The following CDYL2 variants were observed in gnomAD, a reference collection of about 807,000 sequenced individuals.
The protein encoded by CDYL2 is chromodomain Y like 2.
CDYL2 carries 23 observed loss-of-function variants against 49.4 expected under a neutral mutation model. That is an observed-to-expected ratio of 0.47 (90% CI 0.34 to 0.66). The LOEUF (loss-of-function observed/expected upper bound fraction) is 0.66. CDYL2 is among the 30% of genes least tolerant of loss of function. CDYL2 has a pLI of 0.01. For missense variants in CDYL2, 678 were observed against 656.4 expected, an observed-to-expected ratio of 1.03 and a Z score of -0.36; for synonymous variants, 360 against 268.8, an observed-to-expected ratio of 1.34 and a Z score of -3.32.
intron 2 of CDYL2, among the ~76,000 whole-genome samples, chr16:80,654,879 G>A (rs905940100): frequency 6.6e-6 from 1 of 152,216 alleles, no homozygotes; most frequent in East Asian, 1.9e-4. Flanking sequence ...GAGTAAACAC[G>A]AGTGTCTAAT....
chr16:80,753,784 T>C (rs1439854236), intron 1 of CDYL2, among the ~76,000 whole-genome samples: 1 of 152,134 alleles, frequency 6.6e-6, no homozygotes, highest in Non-Finnish European at 1.5e-5. Flanking sequence ...ACAGATAAAC[T>C]AGACTCCATT....
intron 2 of CDYL2, among the ~76,000 whole-genome samples, chr16:80,676,247 T>TA (rs1909738071): frequency 6.6e-6 from 1 of 152,166 alleles, no homozygotes; most frequent in South Asian, 2.1e-4. Flanking sequence ...GACAAAAGAT[T>TA]AAAAAACCCT....
At chr16:80,614,442 T>C (rs1427560996) in intron 4 of CDYL2, among the ~76,000 whole-genome samples, 1 of 152,206 alleles carries the variant, frequency 6.6e-6, no homozygotes, top group Admixed American at 6.5e-5. Context: ...ATGGAAGAAG[T>C]CTAGGTTCCT....
intron 1 of CDYL2, among the ~76,000 whole-genome samples, chr16:80,758,832 A>G (rs575054510): frequency 8.6e-5 from 13 of 151,278 alleles, no homozygotes; most frequent in East Asian, 7.8e-4. Flanking sequence ...GTGAGCCACC[A>G]CGCCCGGCCT....
At chr16:80,731,156 A>G (rs1279479443) in intron 1 of CDYL2, among the ~76,000 whole-genome samples, 2 of 152,200 alleles carry the variant, frequency 1.3e-5, no homozygotes, top group Non-Finnish European at 2.9e-5. Context: ...TTCCAGAGAC[A>G]AGAGAAAACA....
chr16:80,698,728 G>A (rs544360743), intron 1 of CDYL2, among the ~76,000 whole-genome samples: 1 of 152,034 alleles, frequency 6.6e-6, no homozygotes, highest in Non-Finnish European at 1.5e-5. Flanking sequence ...TATAAGATGT[G>A]TCTTCTTCCC....
chr16:80,646,837 C>A (rs1908369375), intron 2 of CDYL2, among the ~76,000 whole-genome samples: 1 of 151,332 alleles, frequency 6.6e-6, no homozygotes, highest in African/African-American at 2.4e-5. Context: ...AAAAACAAGA[C>A]CCAATGATCT....
chr16:80,727,700 T>A (rs1293434176), intron 1 of CDYL2, among the ~76,000 whole-genome samples: 1 of 152,190 alleles, frequency 6.6e-6, no homozygotes, highest in Admixed American at 6.5e-5. Flanking sequence ...AATGTCCCTG[T>A]CTGACAGCTT....
rs986364212 is a variant in CDYL2 at position 80,682,276 on chromosome 16, C to T, written c.616+2262G>A. ...TCAAGTGGGAGTAGAGAACACACAACGTCAGGCAAATATGAGGAAGATAAG... is the reference window on the plus strand; with the variant it reads ...TCAAGTGGGAGTAGAGAACACACAATGTCAGGCAAATATGAGGAAGATAAG... On this transcript the variant is annotated intron_variant, in intron 2 of 6. Transcript: ENST00000570137. Among the ~76,000 whole-genome samples, 6 of 152,252 alleles carry T rather than the reference C, an allele frequency of 3.9e-5. No individual in the cohort carries two copies. In the South Asian group the frequency reaches 8.3e-4, roughly 21 times the overall value.
chr16:80,758,307 G>A (rs939709977), intron 1 of CDYL2, among the ~76,000 whole-genome samples: 1 of 150,844 alleles, frequency 6.6e-6, no homozygotes, highest in African/African-American at 2.4e-5. Flanking sequence ...CTTACATATA[G>A]AAGTAATAAT....
chr16:80,700,623 A>AT (rs1251468054), intron 1 of CDYL2, among the ~76,000 whole-genome samples: 1 of 152,250 alleles, frequency 6.6e-6, no homozygotes, highest in African/African-American at 2.4e-5. Context: ...GATCAGCAAA[A>AT]TTTTAAAAGG....
At chr16:80,642,165 G>A (rs549329114) in intron 2 of CDYL2, among the ~76,000 whole-genome samples, 8 of 152,138 alleles carry the variant, frequency 5.3e-5, no homozygotes, top group African/African-American at 1.2e-4. Flanking sequence ...ATTAGTCGCC[G>A]GGTGTGGTGG....
intron 1 of CDYL2, among the ~76,000 whole-genome samples, chr16:80,738,237 G>A (rs2142548224): frequency 6.6e-6 from 1 of 152,274 alleles, no homozygotes; most frequent in Middle Eastern, 3.4e-3. Context: ...TGGTGTATAT[G>A]TGCCACATTT....
intron 1 of CDYL2, among the ~76,000 whole-genome samples, chr16:80,762,255 A>T (rs1296925818): frequency 1.3e-5 from 2 of 152,214 alleles, no homozygotes; most frequent in East Asian, 1.9e-4. Flanking sequence ...ATAAAGTTCA[A>T]ATGAACTTCA....
intron 1 of CDYL2, among the ~76,000 whole-genome samples, chr16:80,769,522 A>G (rs1906837130): frequency 6.6e-6 from 1 of 152,212 alleles, no homozygotes; most frequent in South Asian, 2.1e-4. Context: ...GGGTTAGAGA[A>G]TGGACCCTGC....
At position 80,603,269 on chromosome 16, in the gene CDYL2, G is replaced by T. The variant is rs1217089247; in HGVS notation, c.*1119C>A. 1 of 152,144 alleles carries T rather than the reference G, an allele frequency of 6.6e-6. No homozygotes were observed. Among genetic ancestry groups the T allele is most frequent in the African/African-American group, 2.4e-5 (1 of 41,422 alleles). The allele number at this position is 152,144 out of a possible 1,614,324, so 9.4% of individuals were successfully genotyped here. A position where few individuals can be genotyped will look rare whatever the true frequency, so the allele number is the denominator to read the frequency against. ...CCCCAAAGAAAGAAGTCTTATTCTAGACAGTATGCTATTCTCAGGTAGGGC... is the reference window on the plus strand; with the variant it reads ...CCCCAAAGAAAGAAGTCTTATTCTATACAGTATGCTATTCTCAGGTAGGGC... On this transcript the variant is annotated 3_prime_UTR_variant, in exon 7 of 7. Coordinates refer to ENST00000570137, the MANE Select transcript of CDYL2 (RefSeq NM_152342.4).
At chr16:80,687,303 G>C (rs1910235085) in intron 1 of CDYL2, among the ~76,000 whole-genome samples, 1 of 152,190 alleles carries the variant, frequency 6.6e-6, no homozygotes, top group South Asian at 2.1e-4. Context: ...CCGGGATGGA[G>C]AAATTTCTTC....
At chr16:80,673,882 G>T (rs59165977) in intron 2 of CDYL2, among the ~76,000 whole-genome samples, 2 of 152,132 alleles carry the variant, frequency 1.3e-5, no homozygotes, top group African/African-American at 4.8e-5. Context: ...CAGGGGGCTT[G>T]GAGTCAAGAG....
intron 1 of CDYL2, among the ~76,000 whole-genome samples, chr16:80,692,126 C>T (rs773896051): frequency 1.3e-5 from 2 of 152,170 alleles, no homozygotes; most frequent in East Asian, 1.9e-4. Flanking sequence ...AGGGCAGAAA[C>T]GCTAATCAAG....
Sources: allele counts gnomAD v4.1 joint callset (sites outside exome capture counted in the v4.1 genomes callset), GRCh38; gene constraint gnomAD v4.1.1; transcripts MANE v1.5; gene names NCBI Gene and HGNC (gene_info 2026-07-23, HGNC 2026-07-21).